Variants in TADA2A observed in about 807,000 individuals in gnomAD.
TADA2A encodes the protein transcriptional adapter 2-alpha.
A neutral mutation model predicts 67.4 loss-of-function variants in TADA2A; 38 were observed. The observed-to-expected ratio is 0.56, with a 90% CI of 0.44 to 0.74. The LOEUF (loss-of-function observed/expected upper bound fraction) is 0.74, where lower values mean the gene tolerates loss of function less well. Ranked by LOEUF, TADA2A falls within the 30% of genes least tolerant of loss-of-function variation. The pLI, the probability that TADA2A is intolerant of heterozygous loss-of-function variation, is 0.00. For missense variants in TADA2A, 454 were observed against 547.0 expected, an observed-to-expected ratio of 0.83 and a Z score of 1.70; for synonymous variants, 192 against 181.6, an observed-to-expected ratio of 1.06 and a Z score of -0.46.
chr17:37,411,258 T>G lies in TADA2A; in HGVS notation c.-97-11T>G, dbSNP rs1568125602. 2 of 1,014,308 alleles carry G rather than the reference T, an allele frequency of 2.0e-6. No homozygotes were observed. Among genetic ancestry groups the G allele is most frequent in the Non-Finnish European group, 3.1e-6 (2 of 648,908 alleles). 62.8% of individuals were successfully genotyped at this position (1,014,308 alleles called of 1,614,324 possible). A position where few individuals can be genotyped will look rare whatever the true frequency, so the allele number is the denominator to read the frequency against. ...TTTTCTGATCCATGTGCCACTTTTG[T>G]TTGTTCCTAGGGAGTCATCAAGCTT... On this transcript the variant is annotated splice_polypyrimidine_tract_variant and intron_variant, in intron 1 of 15. Transcript: ENST00000615182.
At chr17:37,452,621 G>A (rs1321802684) in intron 8 of TADA2A, among the ~76,000 whole-genome samples, 1 of 152,112 alleles carries the variant, frequency 6.6e-6, no homozygotes, top group African/African-American at 2.4e-5. Context: ...CTTGTAAAGT[G>A]CATCTCCACC....
At chr17:37,439,298 T>C (rs2052827228) in intron 5 of TADA2A, among the ~76,000 whole-genome samples, 1 of 151,954 alleles carries the variant, frequency 6.6e-6, no homozygotes, top group Admixed American at 6.6e-5. Flanking sequence ...TTATTATTAT[T>C]TGGAAACAGG....
intron 4 of TADA2A, among the ~76,000 whole-genome samples, chr17:37,429,821 A>T (rs1015254142): frequency 1.3e-5 from 2 of 152,228 alleles, no homozygotes; most frequent in African/African-American, 4.8e-5. Context: ...ATCTCTAAAC[A>T]ATTTCAGTCT....
In TADA2A at chr17:37,450,888, A is replaced by G. The variant is rs1471033444; in HGVS notation, c.604+6120A>G. ...GAGATAGCTTCAAATATGAATTTTT[A>G]TCTGGGAGAATTCCAGTTCTCCTCC... On this transcript the variant is annotated intron_variant, in intron 8 of 15. Coordinates refer to ENST00000615182, the MANE Select transcript of TADA2A (RefSeq NM_001166105.3). 2.0e-5 allele frequency among the ~76,000 whole-genome samples: 3 copies of G among 152,174 alleles called. No homozygotes were observed. In the East Asian group the frequency reaches 5.8e-4, roughly 29 times the overall value.
chr17:37,424,124 C>A (rs1221518560), intron 3 of TADA2A, among the ~76,000 whole-genome samples: 1 of 152,030 alleles, frequency 6.6e-6, no homozygotes, highest in Non-Finnish European at 1.5e-5. Flanking sequence ...GTTGATTAGT[C>A]CACATCTGTG....
intron 1 of TADA2A, among the ~76,000 whole-genome samples, chr17:37,408,851 A>C (rs929649269): frequency 6.6e-6 from 1 of 152,194 alleles, no homozygotes; most frequent in African/African-American, 2.4e-5. Context: ...CCAAAAAGGG[A>C]AAGTTCTTTG....
chr17:37,456,312 A>C (rs2053390113), intron 8 of TADA2A, among the ~76,000 whole-genome samples: 1 of 152,230 alleles, frequency 6.6e-6, no homozygotes, highest in Admixed American at 6.5e-5. Context: ...ATTATAAGCA[A>C]GGGAATTACA....
chr17:37,427,610 T>C (rs1211842394), intron 4 of TADA2A, among the ~76,000 whole-genome samples: 2 of 152,214 alleles, frequency 1.3e-5, no homozygotes, highest in Non-Finnish European at 2.9e-5. Flanking sequence ...TTCCAAGCCC[T>C]GGCCATGGGA....
chr17:37,473,252 TG>T (rs2053829760), intron 14 of TADA2A, among the ~76,000 whole-genome samples: 1 of 149,006 alleles, frequency 6.7e-6, no homozygotes, highest in African/African-American at 2.5e-5. Flanking sequence ...AGATTACAGG[TG>T]TGAGCCTCTG....
In TADA2A at chr17:37,447,250, C is replaced by G. The variant is rs1169787460; in HGVS notation, c.604+2482C>G. Among the ~76,000 whole-genome samples the G allele has an allele frequency of 5.9e-5, 9 of 152,302 alleles. No individual in the cohort carries two copies. The South Asian group carries it at 1.9e-3, about 32-fold the overall frequency. On this transcript the variant is annotated intron_variant, in intron 8 of 15. Transcript: ENST00000615182. The stretch of plus-strand genomic sequence containing the variant: ...GATCTTGGCTCACTGCAACTTCTGC[C>G]TCCCAGGCTCAAGCGATTCTCGTGC...
At chr17:37,461,212 T>C (rs993445328) in intron 9 of TADA2A, among the ~76,000 whole-genome samples, 1 of 151,940 alleles carries the variant, frequency 6.6e-6, no homozygotes, top group Non-Finnish European at 1.5e-5. Flanking sequence ...CAGTTCACAA[T>C]AGGGATCGCG....
At chr17:37,424,607 A>G (rs531483134) in intron 3 of TADA2A, among the ~76,000 whole-genome samples, 153 of 152,048 alleles carry the variant, frequency 1.0e-3, no homozygotes, top group African/African-American at 3.5e-3. Context: ...TCCAGGCTGG[A>G]GTGCAATGGT....
rs1471507451 is a variant in TADA2A, at chr17:37,471,078, CTCT to C, written c.1029-10_1029-8del. The C allele has an allele frequency of 8.1e-6, 13 of 1,614,090 alleles. No homozygotes were observed. Among genetic ancestry groups the C allele is most frequent in the Admixed American group, 5.0e-5 (3 of 60,016 alleles). ...TTTGATATGACCTAAGTTTAAATTCCTCTTCTTCGTTGTAGTGATTCCGGCCTG... is the reference window on the plus strand; with the variant it reads ...TTTGATATGACCTAAGTTTAAATTCCTCTTCGTTGTAGTGATTCCGGCCTG... On this transcript the variant is annotated splice_polypyrimidine_tract_variant and intron_variant, in intron 13 of 15. Transcript: ENST00000615182.
intron 2 of TADA2A, among the ~76,000 whole-genome samples, chr17:37,419,308 C>T (rs2052156122): frequency 6.9e-6 from 1 of 145,052 alleles, no homozygotes; most frequent in African/African-American, 2.5e-5. Flanking sequence ...GCTGGGACCA[C>T]CAAGCATGCA....
In TADA2A at chr17:37,426,996, C is replaced by T; in HGVS notation, c.179C>T (p.Thr60Ile). 6.3e-7 allele frequency: 1 copy of T among 1,588,170 alleles called. No individual in the cohort carries two copies. The highest frequency in any genetic ancestry group is 8.6e-7 in the Non-Finnish European group (1 of 1,167,320). Residue 60 changes from threonine (T) to isoleucine (I), a missense_variant, in exon 4 of 16, where the codon ACT becomes ATT. Around this residue, in one of 2 missense-constraint regions of TADA2A, gnomAD observed 403 missense variants for 455.5 expected, o/e 0.88. Transcript: ENST00000615182. ...TACAAGAAACATCAAAGCGATCATA[C>T]TTATGAAATAATGGTAATGATGAAG... is the stretch of plus-strand genomic sequence containing the variant. ...FEYKKHQSDH[T>I]YEIMTSDFPV...
chr17:37,453,759 ATTTTTTTTTTT>A (rs143096066), intron 8 of TADA2A, among the ~76,000 whole-genome samples: 14 of 69,066 alleles, frequency 2.0e-4, no homozygotes, highest in Non-Finnish European at 3.2e-4. Flanking sequence ...GAAATAACTG[ATTTTTTTTTTT>A]TTTTTTTTTT....
At chr17:37,451,683 T>C (rs2053238209) in intron 8 of TADA2A, among the ~76,000 whole-genome samples, 1 of 151,242 alleles carries the variant, frequency 6.6e-6, no homozygotes. Flanking sequence ...TCTTGTATCT[T>C]ACAAAAATCG....
intron 7 of TADA2A, among the ~76,000 whole-genome samples, chr17:37,444,334 A>G (rs970826503): frequency 2.6e-5 from 4 of 151,816 alleles, no homozygotes; most frequent in Non-Finnish European, 5.9e-5. Context: ...TTTCCCAGGC[A>G]GTCTTGAACT....
intron 4 of TADA2A, among the ~76,000 whole-genome samples, chr17:37,434,198 C>G (rs1381765983): frequency 6.7e-6 from 1 of 149,112 alleles, no homozygotes; most frequent in Non-Finnish European, 1.5e-5. Flanking sequence ...ATTTTGTCTT[C>G]ATAGGTTTGA....
Sources: allele counts gnomAD v4.1 joint callset (sites outside exome capture counted in the v4.1 genomes callset), GRCh38; gene constraint gnomAD v4.1.1; regional missense constraint gnomAD v4.1.1; transcripts MANE v1.5; gene names NCBI Gene and HGNC (gene_info 2026-07-23, HGNC 2026-07-21).